Variants in PUS10 observed in about 807,000 individuals in gnomAD.
PUS10 encodes the protein tRNA pseudouridine synthase Pus10.
In PUS10, 59 loss-of-function variants were observed where a neutral mutation model predicts 75.0. That is an observed-to-expected ratio of 0.79 (90% CI 0.64 to 0.98). PUS10 has a LOEUF of 0.98. PUS10 is among the 50% of genes least tolerant of loss of function. PUS10 has a pLI of 0.00. For missense variants in PUS10, 650 were observed against 614.4 expected, an observed-to-expected ratio of 1.06 and a Z score of -0.61; for synonymous variants, 219 against 211.6, an observed-to-expected ratio of 1.03 and a Z score of -0.30.
intron 2 of PUS10, chr2:61,010,555 G>A: frequency 2.8e-6 from 1 of 354,174 alleles, no homozygotes; most frequent in South Asian, 3.7e-5. Flanking sequence ...TTGAACCCCT[G>A]ACCTCGTGAT....
Position 61,008,839 on chromosome 2 carries a change from G to C in PUS10, c.303C>G (p.Ser101=). 1 of 1,611,960 alleles carries C rather than the reference G, an allele frequency of 6.2e-7. No individual in the cohort carries two copies. Among genetic ancestry groups the C allele is most frequent in the Non-Finnish European group, 8.5e-7 (1 of 1,178,516 alleles). The part of the protein sequence containing the change: ...ISVSHVGSTA[S]KNSNLNVCNV... ...TACATACATTTAAATTTGAGTTCTT[G>C]GAAGCAGTGCTTCCAACATGACTAA... The change falls in exon 3 of 18, where the codon TCC becomes TCG. Residue 101 remains serine (S), a synonymous_variant. Coordinates refer to ENST00000316752, the MANE Select transcript of PUS10 (RefSeq NM_144709.4).
Position 60,953,097 on chromosome 2 carries a change from A to C in PUS10, c.1208T>G (p.Met403Arg). ...QLVTREAIGH[M>R]KEGEEEKTKT... ...TGTCTTTTCTTCTTCACCTTCTTTC[A>C]TATGTCCTATTGCCTCTCTAAACAA... The change falls in exon 15 of 18, where the codon ATG becomes AGG. Residue 403 changes from methionine to arginine, a missense_variant. Coordinates refer to ENST00000316752, the MANE Select transcript of PUS10 (RefSeq NM_144709.4). The C allele has an allele frequency of 6.3e-7, 1 of 1,592,602 alleles. No individual in the cohort carries two copies. Among genetic ancestry groups the C allele is most frequent in the South Asian group, 1.1e-5 (1 of 90,532 alleles).
intron 2 of PUS10, among the ~76,000 whole-genome samples, chr2:61,009,549 T>C (rs1291125918): frequency 6.6e-6 from 1 of 152,222 alleles, no homozygotes; most frequent in Non-Finnish European, 1.5e-5. Context: ...ACACAAATGC[T>C]GACAATGCTG....
In PUS10 at chr2:61,011,809, A is replaced by C. The variant is rs141777838; in HGVS notation, c.82T>G (p.Phe28Val). The change falls in exon 2 of 18, where the codon TTC (phenylalanine) becomes GTC (valine). Residue 28 changes from phenylalanine to valine, a missense_variant. By Grantham distance (50) the Phe-to-Val change is conservative (BLOSUM62 -1). Coordinates refer to ENST00000316752, the MANE Select transcript of PUS10 (RefSeq NM_144709.4). ...TGTCPRCIFR[F>V]CGVDFHAPYK... ...GGTGCATGAAAATCCACACCACAGAATCTGAAGATACATCTTGGACAAGTA... is the reference window on the plus strand; with the variant it reads ...GGTGCATGAAAATCCACACCACAGACTCTGAAGATACATCTTGGACAAGTA... The C allele has an allele frequency of 1.9e-6, 3 of 1,610,866 alleles. No individual in the cohort carries two copies. In the South Asian group the frequency reaches 3.3e-5, roughly 18 times the overall value.
chr2:61,013,265 G>GA (rs61561925), intron 1 of PUS10, among the ~76,000 whole-genome samples: 29,072 of 112,102 alleles, frequency 0.26, 3,375 homozygotes, highest in African/African-American at 0.37. Context: ...AAAAGAAACA[G>GA]AAAAAAAAAA....
At chr2:60,952,925 A>T in intron 15 of PUS10, 72 bp downstream of exon 15, 1 of 889,024 alleles carries the variant, frequency 1.1e-6, no homozygotes, top group South Asian at 1.5e-5. Context: ...GCTAGTAATA[A>T]ATTAGAAGAC....
At chr2:60,956,987 AAAAAAAAAAAAAAGAAAGAAAAAAAAAG>A (rs975399399) in intron 11 of PUS10, among the ~76,000 whole-genome samples, 17 of 149,228 alleles carry the variant, frequency 1.1e-4, no homozygotes, top group African/African-American at 3.9e-4. Flanking sequence ...AAAAAAAAAA[AAAAAAAAAAAAAAGAAAGAAAAAAAAAG>A]AAAAATGTTT....
In PUS10 at chr2:60,960,453, C is replaced by G; in HGVS notation, c.939G>C (p.Lys313Asn). ...QTPWIIDGER[K>N]LESSVEELIS... ...TTAATTCTTCCACTGAAGATTCCAG[C>G]TTCCTTTCTCCATCAATTATCCAAG... The change falls in exon 11 of 18, where the codon AAG becomes AAC. Residue 313 changes from lysine (K) to asparagine (N), a missense_variant. Transcript: ENST00000316752. 1 of 1,575,194 alleles carries G rather than the reference C, an allele frequency of 6.3e-7. No individual in the cohort carries two copies. Among genetic ancestry groups the G allele is most frequent in the South Asian group, 1.2e-5 (1 of 83,712 alleles).
chr2:61,003,598 A>G (rs1053344749), intron 4 of PUS10, among the ~76,000 whole-genome samples: 27 of 150,874 alleles, frequency 1.8e-4, no homozygotes, highest in African/African-American at 5.4e-4. Flanking sequence ...AGGCTAGAGT[A>G]CAGTGGTGTG....
chr2:60,989,577 G>A (rs1291888377), intron 4 of PUS10, among the ~76,000 whole-genome samples: 1 of 152,030 alleles, frequency 6.6e-6, no homozygotes, highest in Non-Finnish European at 1.5e-5. Flanking sequence ...TCAGTATTCG[G>A]TAAAGCTCAC....
rs755368259 is a variant in PUS10 at position 60,961,521 on chromosome 2, T to C, written c.816A>G (p.Pro272=). 1.9e-6 allele frequency: 3 copies of C among 1,614,130 alleles called. No homozygotes were observed. The highest frequency in any genetic ancestry group is 2.5e-6 in the Non-Finnish European group (3 of 1,179,980). The change falls in exon 10 of 18, where the codon CCA becomes CCG. Residue 272 remains proline (P), a synonymous_variant. Coordinates refer to ENST00000316752, the MANE Select transcript of PUS10 (RefSeq NM_144709.4). ...LKQFPCPPNS[P]KAVCAVLEIE... ...TTTCAAGAACAGCGCATACAGCCTT[T>C]GGTGAGTTTGGAGGACAAGGAAACT...
intron 15 of PUS10, among the ~76,000 whole-genome samples, chr2:60,948,462 A>T (rs148055204): frequency 6.6e-6 from 1 of 152,276 alleles, no homozygotes; most frequent in Non-Finnish European, 1.5e-5. Flanking sequence ...TCCTGACCTC[A>T]GGTGATCTGC....
At chr2:60,991,107 G>A (rs543367742) in intron 4 of PUS10, among the ~76,000 whole-genome samples, 1 of 152,184 alleles carries the variant, frequency 6.6e-6, no homozygotes, top group South Asian at 2.1e-4. Context: ...TCAAACTCCT[G>A]GGCTCAGGCA....
intron 15 of PUS10, 103 bp from the exon 16 acceptor site, chr2:60,948,288 C>A: frequency 1.8e-6 from 2 of 1,107,716 alleles, no homozygotes; most frequent in Non-Finnish European, 2.7e-6. Context: ...ACAGATGCTT[C>A]CTTGAGAGAA....
Position 60,971,777 on chromosome 2 carries a change from G to C in PUS10, c.469-220C>G, listed in dbSNP as rs34688842. Among the ~76,000 whole-genome samples, 3 of 151,964 alleles carry C rather than the reference G, an allele frequency of 2.0e-5. No individual in the cohort carries two copies. The South Asian group carries it at 6.2e-4, about 32-fold the overall frequency. Reference sequence around the variant, plus strand: ...TGCAATGGTGGTTTACTGTGGCCTAGGAATTCAGCCGGGGTATCCCCCTCC... The same window carrying C: ...TGCAATGGTGGTTTACTGTGGCCTACGAATTCAGCCGGGGTATCCCCCTCC... On this transcript the variant is annotated intron_variant, in intron 4 of 17. Transcript: ENST00000316752.
chr2:60,990,456 A>G (rs1457629577), intron 4 of PUS10, among the ~76,000 whole-genome samples: 1 of 152,222 alleles, frequency 6.6e-6, no homozygotes, highest in African/African-American at 2.4e-5. Flanking sequence ...GAAGAGAGAG[A>G]GGGAATCCTG....
At chr2:61,004,319 C>A (rs1215951846) in intron 4 of PUS10, among the ~76,000 whole-genome samples, 1 of 152,128 alleles carries the variant, frequency 6.6e-6, no homozygotes, top group East Asian at 1.9e-4. Flanking sequence ...TAATAAAAGA[C>A]GGCAATAAAA....
At chr2:60,999,069 C>T (rs138674469) in intron 4 of PUS10, among the ~76,000 whole-genome samples, 2 of 152,232 alleles carry the variant, frequency 1.3e-5, no homozygotes, top group East Asian at 3.9e-4. Flanking sequence ...CAAACTGTTT[C>T]CCATACACTA....
chr2:60,973,277 C>G (rs1022998509), intron 4 of PUS10, among the ~76,000 whole-genome samples: 1 of 152,214 alleles, frequency 6.6e-6, no homozygotes, highest in Admixed American at 6.5e-5. Context: ...GGGGAAAACG[C>G]AAAGAGGCAG....
Sources: allele counts gnomAD v4.1 joint callset (sites outside exome capture counted in the v4.1 genomes callset), GRCh38; gene constraint gnomAD v4.1.1; transcripts MANE v1.5; gene names NCBI Gene and HGNC (gene_info 2026-07-23, HGNC 2026-07-21).